Variants in LRRC58 observed in about 807,000 individuals in gnomAD.
LRRC58 encodes leucine-rich repeat-containing protein 58.
LRRC58 carries 18 observed loss-of-function variants against 30.6 expected under a neutral mutation model. The observed-to-expected ratio is 0.59, with a 90% CI of 0.41 to 0.87. LRRC58 has a LOEUF of 0.87. LRRC58 is among the 40% of genes least tolerant of loss of function. LRRC58 has a pLI of 0.00. For missense variants in LRRC58, 420 were observed against 468.4 expected, an observed-to-expected ratio of 0.90 and a Z score of 0.95; for synonymous variants, 221 against 206.0, an observed-to-expected ratio of 1.07 and a Z score of -0.62.
chr3:120,340,846 G>A (rs1346925508), intron 1 of LRRC58, among the ~76,000 whole-genome samples: 1 of 152,166 alleles, frequency 6.6e-6, no homozygotes, highest in African/African-American at 2.4e-5. Flanking sequence ...GCAGTGAGCA[G>A]AGGTGGCACC....
intron 1 of LRRC58, among the ~76,000 whole-genome samples, chr3:120,342,880 G>C (rs902526320): frequency 2.0e-5 from 3 of 152,176 alleles, no homozygotes; most frequent in Admixed American, 2.0e-4. Context: ...CCAGGACCCT[G>C]ATCTTGGAAT....
At chr3:120,347,605 A>G (rs1238910882) in intron 1 of LRRC58, among the ~76,000 whole-genome samples, 2 of 150,730 alleles carry the variant, frequency 1.3e-5, no homozygotes, top group Admixed American at 1.3e-4. Flanking sequence ...GTTAGCCAGG[A>G]TGGTCTCGAT....
chr3:120,331,949 A>T (rs1028730092), intron 3 of LRRC58, among the ~76,000 whole-genome samples: 9 of 152,204 alleles, frequency 5.9e-5, no homozygotes, highest in African/African-American at 2.2e-4. Flanking sequence ...CAGGCCTCAA[A>T]TCTGTTTCAC....
In LRRC58 at chr3:120,325,295, T is replaced by TC. The variant is rs1286139897; in HGVS notation, c.*5904dup. 4.0e-5 allele frequency: 6 copies of TC among 149,234 alleles called. No individual in the cohort carries two copies. The highest frequency in any genetic ancestry group is 9.0e-5 in the Non-Finnish European group (6 of 67,030). 9.2% of individuals were successfully genotyped at this position (149,234 alleles called of 1,614,324 possible). On this transcript the variant is annotated 3_prime_UTR_variant, in exon 4 of 4. Coordinates refer to ENST00000295628, the MANE Select transcript of LRRC58 (RefSeq NM_001099678.2). ...TACTGCAACAGCAATGTCAATCTTATCCCCGTATCTTCCAACAGCTGGAAC... is the reference window on the plus strand; with the variant it reads ...TACTGCAACAGCAATGTCAATCTTATCCCCCGTATCTTCCAACAGCTGGAAC...
chr3:120,326,447 G>A lies in LRRC58; in HGVS notation c.*4753C>T, dbSNP rs541115753. On this transcript the variant is annotated 3_prime_UTR_variant, in exon 4 of 4. Coordinates refer to ENST00000295628, the MANE Select transcript of LRRC58 (RefSeq NM_001099678.2). ...GCCTCCCAAAGTGCCAGGATTACTG[G>A]CGTGAGCCACCATGCCTGGCCCAAA... The A allele has an allele frequency of 6.6e-6, 1 of 152,224 alleles. No homozygotes were observed. The highest frequency in any genetic ancestry group is 1.5e-5 in the Non-Finnish European group (1 of 68,064). 9.4% of individuals were successfully genotyped at this position (152,224 alleles called of 1,614,324 possible).
At chr3:120,337,368 A>G (rs917987631) in intron 1 of LRRC58, among the ~76,000 whole-genome samples, 4 of 152,168 alleles carry the variant, frequency 2.6e-5, no homozygotes, top group Non-Finnish European at 5.9e-5. Flanking sequence ...GTAGGTCCCT[A>G]ACTATTAGTG....
At chr3:120,347,566 T>C (rs1935988829) in intron 1 of LRRC58, among the ~76,000 whole-genome samples, 1 of 150,448 alleles carries the variant, frequency 6.6e-6, no homozygotes, top group Non-Finnish European at 1.5e-5. Context: ...TAATTTTTTG[T>C]ATTTTTAGTA....
chr3:120,329,600 G>C lies in LRRC58; in HGVS notation c.*1600C>G, dbSNP rs1039206810. ...AATAAACACATAAACCCTGAATTAT[G>C]CTAGTTTCTTCTAAAATAAAAAATA... is the stretch of plus-strand genomic sequence containing the variant. On this transcript the variant is annotated 3_prime_UTR_variant, in exon 4 of 4. Transcript: ENST00000295628. 4 of 151,746 alleles carry C rather than the reference G, an allele frequency of 2.6e-5. No homozygotes were observed. The highest frequency in any genetic ancestry group is 5.9e-5 in the Non-Finnish European group (4 of 67,868). 9.4% of individuals were successfully genotyped at this position (151,746 alleles called of 1,614,324 possible).
chr3:120,336,046 AT>A, intron 1 of LRRC58, 93 bp from the exon 2 acceptor site: 1 of 871,010 alleles, frequency 1.1e-6, no homozygotes, highest in Non-Finnish European at 1.7e-6. Flanking sequence ...TCATCTATTC[AT>A]TCAGCAAATG....
chr3:120,347,424 G>A (rs1198783657), intron 1 of LRRC58, among the ~76,000 whole-genome samples: 1 of 85,380 alleles, frequency 1.2e-5, no homozygotes, highest in Non-Finnish European at 2.4e-5. Context: ...TCGCTCTGTC[G>A]CCCAGGCCGG....
At chr3:120,334,340 T>C (rs113887982) in intron 3 of LRRC58, among the ~76,000 whole-genome samples, 6,561 of 151,552 alleles carry the variant, frequency 0.043, 357 homozygotes, top group African/African-American at 0.13. Flanking sequence ...CCGTCTCTAC[T>C]AAAAAAATAC....
At chr3:120,341,805 C>T (rs1200811281) in intron 1 of LRRC58, among the ~76,000 whole-genome samples, 1 of 151,948 alleles carries the variant, frequency 6.6e-6, no homozygotes, top group African/African-American at 2.4e-5. Context: ...CAACCTGCAG[C>T]TGCAGACCCA....
chr3:120,341,257 A>T (rs189670921), intron 1 of LRRC58, among the ~76,000 whole-genome samples: 36 of 152,334 alleles, frequency 2.4e-4, no homozygotes, highest in Admixed American at 1.5e-3. Flanking sequence ...AGAACAGAAT[A>T]CAATATTTGG....
In LRRC58 at chr3:120,330,187, C is replaced by T. The variant is rs1490357843; in HGVS notation, c.*1013G>A. 6.6e-6 allele frequency: 1 copy of T among 151,908 alleles called. No homozygotes were observed. The highest frequency in any genetic ancestry group is 1.5e-5 in the Non-Finnish European group (1 of 67,920). 9.4% of individuals were successfully genotyped at this position (151,908 alleles called of 1,614,324 possible). Reference sequence around the variant, plus strand: ...GGGTGAGAGTCATATTTTTTCCCTACCCATTTAATGCAAGATATAAAGAAG... The same window carrying T: ...GGGTGAGAGTCATATTTTTTCCCTATCCATTTAATGCAAGATATAAAGAAG... On this transcript the variant is annotated 3_prime_UTR_variant, in exon 4 of 4. Transcript: ENST00000295628.
At chr3:120,347,350 C>G (rs1309294148) in intron 1 of LRRC58, among the ~76,000 whole-genome samples, 1 of 145,214 alleles carries the variant, frequency 6.9e-6, no homozygotes, top group Non-Finnish European at 1.5e-5. Context: ...GCTGGAGCAC[C>G]AAGAGTTCTT....
chr3:120,331,879 T>C (rs1935762462), intron 3 of LRRC58, among the ~76,000 whole-genome samples: 1 of 152,230 alleles, frequency 6.6e-6, no homozygotes, highest in Admixed American at 6.5e-5. Context: ...TCTTATGTAC[T>C]GGGAAGGCAA....
At chr3:120,333,901 A>G (rs1935796324) in intron 3 of LRRC58, among the ~76,000 whole-genome samples, 1 of 152,192 alleles carries the variant, frequency 6.6e-6, no homozygotes, top group African/African-American at 2.4e-5. Flanking sequence ...CCTCAATTTT[A>G]TCCTATCAAA....
chr3:120,347,162 T>C (rs1467876969), intron 1 of LRRC58, among the ~76,000 whole-genome samples: 2 of 152,152 alleles, frequency 1.3e-5, no homozygotes, highest in East Asian at 3.9e-4. Flanking sequence ...GTCTGTCTCC[T>C]GGATCATGTT....
chr3:120,335,231 C>T (rs1345404773), intron 2 of LRRC58, 92 bp from the exon 3 acceptor site: 1 of 1,111,206 alleles, frequency 9.0e-7, no homozygotes, highest in Non-Finnish European at 1.3e-6. Flanking sequence ...CTTGATTTCC[C>T]CTTAAGAATG....
Sources: allele counts gnomAD v4.1 joint callset (sites outside exome capture counted in the v4.1 genomes callset), GRCh38; gene constraint gnomAD v4.1.1; transcripts MANE v1.5; gene names NCBI Gene and HGNC (gene_info 2026-07-23, HGNC 2026-07-21).